The following RNF220 variants were observed in gnomAD, a reference collection of about 807,000 sequenced individuals.
RNF220 encodes the protein ring finger protein 220, also known as E3 ubiquitin-protein ligase RNF220.
In RNF220, 7 loss-of-function variants were observed where a neutral mutation model predicts 67.1. The ratio of observed to expected loss-of-function variants is 0.10; its 90% CI spans 0.06 to 0.20. The LOEUF (loss-of-function observed/expected upper bound fraction) is 0.20, where lower values mean the gene tolerates loss of function less well. RNF220 is among the 10% of genes least tolerant of loss of function. The probability of loss-of-function intolerance (pLI) is 1.00; values close to 1 mark genes in which losing one functional copy is unlikely to be tolerated. For synonymous variants in RNF220, 270 were observed against 283.2 expected (o/e 0.95, Z 0.47); for missense variants, 565 against 740.3 (o/e 0.76, Z 2.75).
rs576138218 is a variant in RNF220, at chr1:44,534,465, C to T, written c.626-79700C>T. Among the ~76,000 whole-genome samples the T allele has an allele frequency of 2.6e-5, 4 of 152,222 alleles. No homozygotes were observed. The South Asian group carries it at 8.3e-4, about 32-fold the overall frequency. ...CATTAGGTATATCTCCTAATGCTAT[C>T]CCTCCCTTCTCCCTGAACTTGATTC... On this transcript the variant is annotated intron_variant, in intron 2 of 14. Coordinates refer to ENST00000361799, the MANE Select transcript of RNF220 (RefSeq NM_018150.4).
chr1:44,562,976 G>C (rs1334960396), intron 2 of RNF220, among the ~76,000 whole-genome samples: 1 of 152,172 alleles, frequency 6.6e-6, no homozygotes, highest in Non-Finnish European at 1.5e-5. Context: ...GGGAGCTGTG[G>C]ACCTGAATGG....
chr1:44,587,435 C>G (rs1283881782), intron 2 of RNF220, among the ~76,000 whole-genome samples: 1 of 152,190 alleles, frequency 6.6e-6, no homozygotes, highest in African/African-American at 2.4e-5. Context: ...GCATGAGCCA[C>G]CACGCCCGGC....
intron 12 of RNF220, among the ~76,000 whole-genome samples, chr1:44,647,740 G>A (rs1644691247): frequency 6.6e-6 from 1 of 152,150 alleles, no homozygotes; most frequent in Non-Finnish European, 1.5e-5. Context: ...CTCACATCCA[G>A]CAATGACAGG....
At chr1:44,488,921 G>A (rs1656603637) in intron 2 of RNF220, among the ~76,000 whole-genome samples, 1 of 151,884 alleles carries the variant, frequency 6.6e-6, no homozygotes, top group Non-Finnish European at 1.5e-5. Context: ...AGTAGAGATG[G>A]GGTTTCGCTA....
At chr1:44,581,116 G>A (rs1265628772) in intron 2 of RNF220, among the ~76,000 whole-genome samples, 1 of 152,206 alleles carries the variant, frequency 6.6e-6, no homozygotes, top group African/African-American at 2.4e-5. Flanking sequence ...GGTGCTGATC[G>A]GGGAAGGTTC....
chr1:44,464,951 T>C (rs1654135188), intron 2 of RNF220, among the ~76,000 whole-genome samples: 1 of 152,226 alleles, frequency 6.6e-6, no homozygotes, highest in African/African-American at 2.4e-5. Context: ...TTATACTTAC[T>C]GGTTTATGTG....
chr1:44,438,501 A>G (rs1224765501), intron 2 of RNF220, among the ~76,000 whole-genome samples: 2 of 152,342 alleles, frequency 1.3e-5, no homozygotes, highest in Admixed American at 6.5e-5. Flanking sequence ...GGTACGATTC[A>G]TTAATTCGAG....
chr1:44,427,219 AGTCTGACTC>A (rs1437399298), intron 2 of RNF220, among the ~76,000 whole-genome samples: 2 of 152,194 alleles, frequency 1.3e-5, no homozygotes, highest in Non-Finnish European at 2.9e-5. Flanking sequence ...AGATCCAGGC[AGTCTGACTC>A]CAGAGTCAAT....
intron 2 of RNF220, among the ~76,000 whole-genome samples, chr1:44,513,750 C>T (rs1230590518): frequency 6.6e-6 from 1 of 152,168 alleles, no homozygotes; most frequent in Non-Finnish European, 1.5e-5. Flanking sequence ...TCCTCTTCTT[C>T]CCCCCAGGGC....
At chr1:44,558,276 A>G (rs903159027) in intron 2 of RNF220, among the ~76,000 whole-genome samples, 13 of 152,232 alleles carry the variant, frequency 8.5e-5, no homozygotes, top group African/African-American at 3.1e-4. Flanking sequence ...AGAATAGAGA[A>G]TAACATCTAT....
At chr1:44,450,063 G>A (rs879311167) in intron 2 of RNF220, among the ~76,000 whole-genome samples, 7 of 152,156 alleles carry the variant, frequency 4.6e-5, no homozygotes, top group Admixed American at 3.9e-4. Flanking sequence ...TACAAAATTA[G>A]CCAGGCCTGG....
chr1:44,496,168 A>C (rs1028524175), intron 2 of RNF220, among the ~76,000 whole-genome samples: 8 of 152,122 alleles, frequency 5.3e-5, no homozygotes, highest in African/African-American at 1.7e-4. Context: ...GGACAGGGGG[A>C]CCATCCTCCA....
chr1:44,483,659 T>C (rs974624986), intron 2 of RNF220, among the ~76,000 whole-genome samples: 4 of 152,170 alleles, frequency 2.6e-5, no homozygotes, highest in Non-Finnish European at 4.4e-5. Flanking sequence ...TGAAGATATG[T>C]CTGAGGAGCT....
intron 2 of RNF220, among the ~76,000 whole-genome samples, chr1:44,514,275 A>G (rs1205533045): frequency 6.6e-6 from 1 of 152,204 alleles, no homozygotes; most frequent in African/African-American, 2.4e-5. Context: ...AAATAATGGA[A>G]TTATGGAGGG....
intron 2 of RNF220, among the ~76,000 whole-genome samples, chr1:44,528,392 C>A (rs1660564930): frequency 6.6e-6 from 1 of 152,020 alleles, no homozygotes; most frequent in African/African-American, 2.4e-5. Flanking sequence ...GCTCCGTCTC[C>A]CAGGTTCATG....
At position 44,481,293 on chromosome 1, in the gene RNF220, C is replaced by T. The variant is rs906068224; in HGVS notation, c.625+68571C>T. On this transcript the variant is annotated intron_variant, in intron 2 of 14. Coordinates refer to ENST00000361799, the MANE Select transcript of RNF220 (RefSeq NM_018150.4). ...TTTAAAAATTAGCTGGGTTTGATGACGTGCACCTGTAGTCCCAGCTACTTG... is the reference window on the plus strand; with the variant it reads ...TTTAAAAATTAGCTGGGTTTGATGATGTGCACCTGTAGTCCCAGCTACTTG... Among the ~76,000 whole-genome samples, 5 of 151,944 alleles carry T rather than the reference C, an allele frequency of 3.3e-5. No individual in the cohort carries two copies. The East Asian group carries it at 5.8e-4, about 18-fold the overall frequency.
chr1:44,518,715 A>G (rs1165328425), intron 2 of RNF220, among the ~76,000 whole-genome samples: 1 of 152,094 alleles, frequency 6.6e-6, no homozygotes, highest in Non-Finnish European at 1.5e-5. Context: ...TGTCTACTAA[A>G]AATACAAAAA....
At chr1:44,474,023 C>T (rs918110211) in intron 2 of RNF220, among the ~76,000 whole-genome samples, 16 of 151,860 alleles carry the variant, frequency 1.1e-4, no homozygotes, top group African/African-American at 2.9e-4. Context: ...TCACAGATTC[C>T]GCATCCACAG....
intron 2 of RNF220, among the ~76,000 whole-genome samples, chr1:44,472,150 G>A (rs950899676): frequency 1.3e-5 from 2 of 152,054 alleles, no homozygotes; most frequent in Admixed American, 6.6e-5. Flanking sequence ...TCCACCTTTT[G>A]GCTATTATAA....
Sources: gnomAD v4.1 joint callset for allele counts (sites outside exome capture counted in the v4.1 genomes callset) on GRCh38, gnomAD v4.1.1 for gene constraint, MANE v1.5 for transcripts, NCBI Gene and HGNC (gene_info 2026-07-23, HGNC 2026-07-21) for gene names.